BCL9: variants seen among roughly 807,000 people sequenced by gnomAD.
The protein encoded by BCL9 is B-cell CLL/lymphoma 9 protein.
Under a neutral mutation model 88.5 loss-of-function variants are expected in BCL9, and 25 were observed. The observed-to-expected ratio is 0.28, with a 90% confidence interval of 0.21 to 0.39. The LOEUF is 0.39. BCL9 is among the 10% of genes least tolerant of loss of function. BCL9 has a pLI of 1.00. For missense variants in BCL9, 1,817 were observed against 1,877.8 expected (o/e 0.97, Z 0.60); for synonymous variants, 711 against 673.3 (o/e 1.06, Z -0.87).
Position 147,613,093 on chromosome 1 carries a change from G to A in BCL9, c.264G>A (p.Gly88=), listed in dbSNP as rs782683074. Residue 88 remains glycine, a synonymous_variant, in exon 5 of 10, where the codon GGG becomes GGA. Transcript: ENST00000234739. Reference sequence around the variant, plus strand: ...GTGGGAGCATGGGGCTGAAGAATGGGGCTGGAAATGGTGCCAAGGGCAAGG... The same window carrying A: ...GTGGGAGCATGGGGCTGAAGAATGGAGCTGGAAATGGTGCCAAGGGCAAGG... ...GPGGSMGLKN[G]AGNGAKGKGK... 4.3e-6 allele frequency: 7 copies of A among 1,614,140 alleles called. No individual in the cohort carries two copies. In the South Asian group the frequency reaches 6.6e-5, roughly 15 times the overall value.
At chr1:147,558,187 A>G (rs1655204776) in intron 1 of BCL9, among the ~76,000 whole-genome samples, 1 of 152,192 alleles carries the variant, frequency 6.6e-6, no homozygotes, top group Non-Finnish European at 1.5e-5. Context: ...TGGAGAAGTC[A>G]AGTAATTTGC....
chr1:147,611,552 T>G (rs1407162185), intron 3 of BCL9, 26 bp from the exon 4 acceptor site: 7 of 458,584 alleles, frequency 1.5e-5, no homozygotes, highest in South Asian at 7.2e-5. Flanking sequence ...TGCTCCCAAC[T>G]TTTTTTGGGT....
At chr1:147,570,553 C>T (rs767739030) in intron 1 of BCL9, among the ~76,000 whole-genome samples, 35 of 151,958 alleles carry the variant, frequency 2.3e-4, no homozygotes, top group Non-Finnish European at 4.4e-4. Flanking sequence ...CACTCTCTGC[C>T]TTTTGCTTCT....
intron 1 of BCL9, among the ~76,000 whole-genome samples, chr1:147,584,921 G>A (rs1230316441): frequency 2.0e-5 from 3 of 152,106 alleles, no homozygotes; most frequent in African/African-American, 7.2e-5. Flanking sequence ...TTGTAACCTC[G>A]GAGGTTGGAG....
chr1:147,555,811 G>A lies in BCL9; in HGVS notation c.-478+14137G>A, dbSNP rs376384557. Among the ~76,000 whole-genome samples the A allele has an allele frequency of 6.6e-5, 10 of 152,308 alleles. No individual in the cohort carries two copies. The South Asian group carries it at 2.1e-3, about 32-fold the overall frequency. ...TTGTGGTTGGCTCTCTCATGCCTAA[G>A]TTGATAGCACATTTTTTAGTAACTC... On this transcript the variant is annotated intron_variant, in intron 1 of 9. Coordinates refer to ENST00000234739, the MANE Select transcript of BCL9 (RefSeq NM_004326.4).
chr1:147,602,050 G>GC (rs2101591883), intron 1 of BCL9, among the ~76,000 whole-genome samples: 1 of 149,292 alleles, frequency 6.7e-6, no homozygotes, highest in East Asian at 2.0e-4. Context: ...ACAGGCACGT[G>GC]CCACCACGTC....
At chr1:147,599,420 C>G (rs184639630) in intron 1 of BCL9, among the ~76,000 whole-genome samples, 4 of 152,202 alleles carry the variant, frequency 2.6e-5, no homozygotes, top group Non-Finnish European at 5.9e-5. Flanking sequence ...AAGACCGGCT[C>G]TTCAATTCGT....
At position 147,623,832 on chromosome 1, in the gene BCL9, A is replaced by T. The variant is rs1553205887; in HGVS notation, c.3164-10A>T. The T allele has an allele frequency of 1.3e-6, 2 of 1,596,618 alleles. No individual in the cohort carries two copies. The highest frequency in any genetic ancestry group is 3.5e-5 in the Admixed American group (2 of 57,882). On this transcript the variant is annotated splice_polypyrimidine_tract_variant and intron_variant, in intron 9 of 9. Coordinates refer to ENST00000234739, the MANE Select transcript of BCL9 (RefSeq NM_004326.4). ...TTAAGTTGATTCCTTTGATATCTTT[A>T]TTTTTCTAGGAATGGGCATTAATAC...
intron 1 of BCL9, among the ~76,000 whole-genome samples, chr1:147,555,156 C>A (rs1459271990): frequency 6.6e-6 from 1 of 152,012 alleles, no homozygotes; most frequent in Admixed American, 6.6e-5. Context: ...GATGCAGACC[C>A]CGAGACATAG....
intron 8 of BCL9, among the ~76,000 whole-genome samples, chr1:147,621,689 A>C (rs911269360): frequency 1.3e-5 from 2 of 152,172 alleles, no homozygotes; most frequent in African/African-American, 2.4e-5. Flanking sequence ...CCACCTGAGA[A>C]AGACTAGAAT....
At chr1:147,600,120 A>AG (rs1168424587) in intron 1 of BCL9, 2 of 36,934 alleles carry the variant, frequency 5.4e-5, no homozygotes, top group African/African-American at 1.1e-4. Flanking sequence ...CGGGACCGGG[A>AG]GGGGGGAGCC....
intron 1 of BCL9, among the ~76,000 whole-genome samples, chr1:147,563,540 G>T (rs1331010470): frequency 6.6e-6 from 1 of 152,202 alleles, no homozygotes; most frequent in Non-Finnish European, 1.5e-5. Context: ...TCAGGGGAAG[G>T]TATGACAATT....
At position 147,624,882 on chromosome 1, in the gene BCL9, C is replaced by T. The variant is rs782716934; in HGVS notation, c.4204C>T (p.Pro1402Ser). 6 of 1,614,138 alleles carry T rather than the reference C, an allele frequency of 3.7e-6. No homozygotes were observed. Among genetic ancestry groups the T allele is most frequent in the Middle Eastern group, 1.6e-4 (1 of 6,062 alleles). The change falls in exon 10 of 10, where the codon CCC becomes TCC. Residue 1402 changes from proline to serine, a missense_variant. By Grantham distance (74) the Pro-to-Ser change is moderately conservative. Transcript: ENST00000234739. The surrounding 1 kb of genome is among the most constrained non-coding windows in gnomAD (Gnocchi z 4.4). Reference protein sequence around the residue: ...QNIMIPPQMRPRGMAADVGMG... With the variant: ...QNIMIPPQMRSRGMAADVGMG... ...CATCATGATCCCCCCACAGATGAGGCCCCGGGGCATGGCTGCTGACGTGGG... is the reference window on the plus strand; with the variant it reads ...CATCATGATCCCCCCACAGATGAGGTCCCGGGGCATGGCTGCTGACGTGGG...
intron 1 of BCL9, among the ~76,000 whole-genome samples, chr1:147,553,931 G>A (rs1387760439): frequency 6.6e-6 from 1 of 152,078 alleles, no homozygotes; most frequent in African/African-American, 2.4e-5. Context: ...AATGTACACT[G>A]GAAGGAACAA....
At chr1:147,565,207 G>A (rs1367142526) in intron 1 of BCL9, among the ~76,000 whole-genome samples, 1 of 152,132 alleles carries the variant, frequency 6.6e-6, no homozygotes, top group African/African-American at 2.4e-5. Flanking sequence ...GAATCTAAAG[G>A]CTGTTAGCCA....
At chr1:147,556,917 T>C (rs185454998) in intron 1 of BCL9, among the ~76,000 whole-genome samples, 2 of 152,308 alleles carry the variant, frequency 1.3e-5, no homozygotes, top group Admixed American at 6.5e-5. Flanking sequence ...AGAGCAGTGA[T>C]GGGTATACAG....
intron 9 of BCL9, 40 bp downstream of exon 9, chr1:147,622,571 A>G: frequency 1.9e-6 from 3 of 1,609,328 alleles, no homozygotes; most frequent in Non-Finnish European, 2.6e-6. Context: ...TGAGTGCTAG[A>G]CCAAAGAGAA....
At chr1:147,591,574 A>G (rs939280380) in intron 1 of BCL9, among the ~76,000 whole-genome samples, 42 of 152,316 alleles carry the variant, frequency 2.8e-4, no homozygotes, top group African/African-American at 9.9e-4. Context: ...TGGCACATGC[A>G]CATACTAAAT....
intron 1 of BCL9, among the ~76,000 whole-genome samples, chr1:147,589,712 A>G (rs1656768118): frequency 6.6e-6 from 1 of 151,418 alleles, no homozygotes; most frequent in East Asian, 1.9e-4. Context: ...GGGATAGACC[A>G]CGTTTTATTT....
Sources: gnomAD v4.1 joint callset for allele counts (sites outside exome capture counted in the v4.1 genomes callset) on GRCh38, gnomAD v4.1.1 for gene constraint, Gnocchi (gnomAD v3.1) non-coding constraint, MANE v1.5 for transcripts, NCBI Gene and HGNC (gene_info 2026-07-23, HGNC 2026-07-21) for gene names.